KLHL1: variants seen among roughly 807,000 people sequenced by gnomAD.
The protein encoded by KLHL1 is kelch like family member 1, also known as kelch-like protein 1.
Under a neutral mutation model 77.7 loss-of-function variants are expected in KLHL1, and 47 were observed. That is an observed-to-expected ratio of 0.60 (90% CI 0.48 to 0.77). The LOEUF (loss-of-function observed/expected upper bound fraction) is 0.77, where lower values mean the gene tolerates loss of function less well. Ranked by LOEUF, KLHL1 falls within the 30% of genes least tolerant of loss-of-function variation. The pLI is 0.00. For missense variants in KLHL1, 925 were observed against 910.8 expected (o/e 1.02, Z -0.20); for synonymous variants, 360 against 325.2 (o/e 1.11, Z -1.15).
intron 1 of KLHL1, among the ~76,000 whole-genome samples, chr13:70,049,697 TA>T (rs1228193176): frequency 2.0e-5 from 3 of 152,114 alleles, no homozygotes; most frequent in Admixed American, 6.5e-5. Context: ...AACTTAGAAG[TA>T]AAAAGAAAGG....
chr13:70,030,470 G>T (rs1188590652), intron 1 of KLHL1, among the ~76,000 whole-genome samples: 4 of 152,184 alleles, frequency 2.6e-5, no homozygotes, highest in Non-Finnish European at 5.9e-5. Context: ...CATGGAAACT[G>T]AAAAACCTGC....
chr13:69,783,255 A>G (rs1476926420), intron 7 of KLHL1, among the ~76,000 whole-genome samples: 2 of 152,220 alleles, frequency 1.3e-5, no homozygotes, highest in East Asian at 3.9e-4. Context: ...TGGAAACTCT[A>G]AAAGCAGAGC....
intron 7 of KLHL1, among the ~76,000 whole-genome samples, chr13:69,774,225 C>T (rs573465099): frequency 9.4e-4 from 143 of 151,828 alleles, no homozygotes; most frequent in African/African-American, 3.2e-3. Flanking sequence ...AATATACAAA[C>T]TCACAGATAC....
chr13:69,839,065 C>T lies in KLHL1; in HGVS notation c.1325G>A (p.Arg442Lys), dbSNP rs1879140091. ...EAMKYHLLPE[R>K]RTLMQSPRTK... ...TCTCGGACTTTGCATTAAAGTTCTT[C>T]TTTCTGGCAATAGATGGTATTTCAT... Residue 442 changes from arginine (R) to lysine (K), a missense_variant, in exon 6 of 11, where the codon AGA (arginine) becomes AAA (lysine). Coordinates refer to ENST00000377844, the MANE Select transcript of KLHL1 (RefSeq NM_020866.3). 6.2e-7 allele frequency: 1 copy of T among 1,610,922 alleles called. No homozygotes were observed. The highest frequency in any genetic ancestry group is 1.3e-5 in the African/African-American group (1 of 74,778).
intron 8 of KLHL1, among the ~76,000 whole-genome samples, chr13:69,722,440 A>T (rs568962929): frequency 6.6e-5 from 10 of 152,100 alleles, no homozygotes; most frequent in Non-Finnish European, 1.5e-4. Context: ...ACCTATATCT[A>T]TCTAATCTAG....
chr13:70,095,545 T>C (rs1262876089), intron 1 of KLHL1, among the ~76,000 whole-genome samples: 1 of 152,172 alleles, frequency 6.6e-6, no homozygotes, highest in Admixed American at 6.6e-5. Context: ...TAATTTTAAA[T>C]TGTTATGGAT....
intron 1 of KLHL1, among the ~76,000 whole-genome samples, chr13:70,041,321 G>T (rs1446624953): frequency 6.6e-6 from 1 of 152,090 alleles, no homozygotes; most frequent in African/African-American, 2.4e-5. Context: ...TGCAACCCAG[G>T]TGTTATAAAT....
chr13:69,983,110 A>AT (rs1036424664), intron 1 of KLHL1, among the ~76,000 whole-genome samples: 26 of 152,276 alleles, frequency 1.7e-4, no homozygotes, highest in Admixed American at 1.7e-3. Context: ...ATTTATATCT[A>AT]TTTTAAAGAC....
In KLHL1 at chr13:69,719,396, C is replaced by T; in HGVS notation, c.1988G>A (p.Cys663Tyr). 6.2e-7 allele frequency: 1 copy of T among 1,613,444 alleles called. No homozygotes were observed. Residue 663 changes from cysteine (C) to tyrosine (Y), a missense_variant, in exon 9 of 11, where the codon TGT (cysteine) becomes TAT (tyrosine). Cys to Tyr is a radical substitution (Grantham distance 194, BLOSUM62 -2). Coordinates refer to ENST00000377844, the MANE Select transcript of KLHL1 (RefSeq NM_020866.3). Reference sequence around the variant, plus strand: ...TTCTACATAATCCAGTAGCCGGGAACAGTGATTTGAAGCAGGAGCATCATG... The same window carrying T: ...TTCTACATAATCCAGTAGCCGGGAATAGTGATTTGAAGCAGGAGCATCATG... ...GGHDAPASNH[C>Y]SRLLDYVERY...
chr13:70,005,528 T>C lies in KLHL1; in HGVS notation c.498-29726A>G, dbSNP rs1026875796. Among the ~76,000 whole-genome samples the C allele has an allele frequency of 7.2e-5, 11 of 152,054 alleles. No homozygotes were observed. The East Asian group carries it at 2.1e-3, about 29-fold the overall frequency. ...AGTGTTTGTGTATTTTATGAGCGGCTCAACACAATTATTCTTCTTCCAATG... is the reference window on the plus strand; with the variant it reads ...AGTGTTTGTGTATTTTATGAGCGGCCCAACACAATTATTCTTCTTCCAATG... On this transcript the variant is annotated intron_variant, in intron 1 of 10. Transcript: ENST00000377844.
At chr13:69,904,639 T>C (rs1881988372) in intron 4 of KLHL1, among the ~76,000 whole-genome samples, 1 of 152,208 alleles carries the variant, frequency 6.6e-6, no homozygotes, top group Admixed American at 6.5e-5. Context: ...TGGCCATTCA[T>C]GATTGCCACT....
intron 7 of KLHL1, among the ~76,000 whole-genome samples, chr13:69,767,417 C>T (rs371437182): frequency 6.6e-6 from 1 of 152,148 alleles, no homozygotes; most frequent in East Asian, 1.9e-4. Flanking sequence ...TATCAGTTAT[C>T]CAGGCATGGT....
intron 3 of KLHL1, among the ~76,000 whole-genome samples, chr13:69,944,102 G>A (rs955805297): frequency 1.3e-5 from 2 of 152,130 alleles, no homozygotes; most frequent in African/African-American, 4.8e-5. Context: ...ATTTCAAGAG[G>A]ATTCTCATCA....
At chr13:69,741,048 G>A (rs920565691) in intron 7 of KLHL1, among the ~76,000 whole-genome samples, 9 of 152,106 alleles carry the variant, frequency 5.9e-5, no homozygotes, top group African/African-American at 2.2e-4. Flanking sequence ...TTACCAATCT[G>A]AATTTCAGAA....
chr13:69,744,660 C>A (rs938766370), intron 7 of KLHL1, among the ~76,000 whole-genome samples: 2 of 151,068 alleles, frequency 1.3e-5, no homozygotes, highest in African/African-American at 2.4e-5. Flanking sequence ...AAAGGTACAC[C>A]CCCCCCAAAA....
intron 4 of KLHL1, among the ~76,000 whole-genome samples, chr13:69,921,489 G>A (rs1481918320): frequency 6.6e-6 from 1 of 152,242 alleles, no homozygotes; most frequent in East Asian, 1.9e-4. Flanking sequence ...GATTTATAGT[G>A]CTCCAGATCC....
chr13:70,055,621 G>C (rs906801250), intron 1 of KLHL1, among the ~76,000 whole-genome samples: 3 of 152,024 alleles, frequency 2.0e-5, no homozygotes, highest in African/African-American at 7.2e-5. Context: ...TAAGACATAG[G>C]TAGAATAATA....
chr13:70,095,238 C>T (rs1371798386), intron 1 of KLHL1, among the ~76,000 whole-genome samples: 2 of 152,106 alleles, frequency 1.3e-5, no homozygotes, highest in Non-Finnish European at 2.9e-5. Flanking sequence ...TTTTGCACCA[C>T]TTCCAGAATA....
At chr13:69,958,161 C>T (rs1201020968) in intron 3 of KLHL1, among the ~76,000 whole-genome samples, 1 of 151,084 alleles carries the variant, frequency 6.6e-6, no homozygotes, top group Non-Finnish European at 1.5e-5. Context: ...ATATTTTTTT[C>T]TTTTAAGAAA....
Sources: gnomAD v4.1 joint callset for allele counts (sites outside exome capture counted in the v4.1 genomes callset) on GRCh38, gnomAD v4.1.1 for gene constraint, MANE v1.5 for transcripts, NCBI Gene and HGNC (gene_info 2026-07-23, HGNC 2026-07-21) for gene names.